Variants in MAGI2 observed in about 807,000 individuals in gnomAD.
MAGI2 encodes the protein membrane-associated guanylate kinase, WW and PDZ domain-containing protein 2.
A neutral mutation model predicts 133.3 loss-of-function variants in MAGI2; 35 were observed. That is an observed-to-expected ratio of 0.26 (90% CI 0.20 to 0.35). MAGI2 has a LOEUF of 0.35. Among genes scored for constraint, MAGI2 ranks in the 10% least tolerant of loss-of-function variants. MAGI2 has a pLI of 1.00. For synonymous variants in MAGI2, 729 were observed against 710.6 expected, an observed-to-expected ratio of 1.03 and a Z score of -0.41; for missense variants, 1,636 against 1,863.4, an observed-to-expected ratio of 0.88 and a Z score of 2.25.
chr7:78,295,339 C>A (rs1797119845), intron 9 of MAGI2, among the ~76,000 whole-genome samples: 1 of 152,142 alleles, frequency 6.6e-6, no homozygotes, highest in Non-Finnish European at 1.5e-5. Context: ...GTGAATAAAT[C>A]CATCTCTGTG....
intron 1 of MAGI2, among the ~76,000 whole-genome samples, chr7:79,200,345 G>C (rs1267966685): frequency 4.0e-5 from 6 of 151,704 alleles, no homozygotes; most frequent in Non-Finnish European, 8.8e-5. Flanking sequence ...CCTGATATCT[G>C]TAACCCCAGC....
intron 1 of MAGI2, among the ~76,000 whole-genome samples, chr7:79,207,526 C>A (rs1470523804): frequency 6.6e-6 from 1 of 151,178 alleles, no homozygotes; most frequent in Non-Finnish European, 1.5e-5. Context: ...GATCTCAAAT[C>A]AAAAACTATA....
chr7:78,346,175 G>A (rs907742456), intron 7 of MAGI2, 132 bp from the exon 8 acceptor site: 4 of 980,488 alleles, frequency 4.1e-6, no homozygotes, highest in East Asian at 2.4e-5. Context: ...CACCCAGCAC[G>A]CGGTCAGGCT....
chr7:79,024,227 A>G (rs890537886), intron 1 of MAGI2, among the ~76,000 whole-genome samples: 1 of 152,138 alleles, frequency 6.6e-6, no homozygotes. Context: ...AAAACAAGCA[A>G]TGGGGAAAGT....
chr7:78,597,379 G>A (rs1428341329), intron 3 of MAGI2, among the ~76,000 whole-genome samples: 5 of 150,490 alleles, frequency 3.3e-5, no homozygotes, highest in African/African-American at 1.2e-4. Flanking sequence ...TTCCTTGGGG[G>A]GGGGGGTCTT....
At chr7:79,241,500 C>CTTATTAT (rs1832410315) in intron 1 of MAGI2, among the ~76,000 whole-genome samples, 1 of 151,942 alleles carries the variant, frequency 6.6e-6, no homozygotes, top group African/African-American at 2.4e-5. Context: ...TGATAATAGT[C>CTTATTAT]TCTTCCTCCC....
chr7:78,119,688 G>T (rs754011427), intron 20 of MAGI2, among the ~76,000 whole-genome samples: 2 of 151,994 alleles, frequency 1.3e-5, no homozygotes, highest in Non-Finnish European at 1.5e-5. Context: ...CCAGTCTGGT[G>T]GGAAATGTTG....
intron 2 of MAGI2, among the ~76,000 whole-genome samples, chr7:78,899,506 T>G (rs17469166): frequency 0.063 from 9,531 of 152,224 alleles, 360 homozygotes; most frequent in Middle Eastern, 0.11. Context: ...GCTAAGTATG[T>G]ATAGCCTTCA....
chr7:78,671,103 C>G (rs73145154), intron 2 of MAGI2, among the ~76,000 whole-genome samples: 5,498 of 152,136 alleles, frequency 0.036, 130 homozygotes, highest in South Asian at 0.061. Context: ...ATTATCAAAC[C>G]TATGAACAAT....
chr7:78,311,346 AATTGTGTGGTCCATATC>A (rs1402327506), intron 9 of MAGI2, among the ~76,000 whole-genome samples: 1 of 152,184 alleles, frequency 6.6e-6, no homozygotes, highest in Non-Finnish European at 1.5e-5. Flanking sequence ...TTTCAAGGAG[AATTGTGTGGTCCATATC>A]ATTAAATACT....
chr7:79,172,113 AGGAAGGGAAGAG>A (rs1233890563), intron 1 of MAGI2, among the ~76,000 whole-genome samples: 1 of 151,994 alleles, frequency 6.6e-6, no homozygotes, highest in Non-Finnish European at 1.5e-5. Flanking sequence ...GTGTGTAAGA[AGGAAGGGAAGAG>A]GGCAGGAAAG....
At chr7:78,150,799 A>C (rs920813202) in intron 16 of MAGI2, among the ~76,000 whole-genome samples, 3 of 152,218 alleles carry the variant, frequency 2.0e-5, no homozygotes, top group African/African-American at 7.2e-5. Flanking sequence ...TATGAGGTCT[A>C]TTCAACAGTA....
At chr7:78,677,539 A>C (rs1815178547) in intron 2 of MAGI2, among the ~76,000 whole-genome samples, 1 of 151,646 alleles carries the variant, frequency 6.6e-6, no homozygotes, top group African/African-American at 2.4e-5. Context: ...TCCTATCATT[A>C]AAAAAAATAA....
At chr7:79,144,956 C>T (rs185096438) in intron 1 of MAGI2, among the ~76,000 whole-genome samples, 1 of 152,232 alleles carries the variant, frequency 6.6e-6, no homozygotes, top group African/African-American at 2.4e-5. Context: ...TGGCTCTGCA[C>T]TCACATTAAA....
rs142440653 is a variant in MAGI2 at position 79,365,617 on chromosome 7, G to C, written c.301+87403C>G. 2.9e-4 allele frequency among the ~76,000 whole-genome samples: 44 copies of C among 152,036 alleles called. 1 individual carries two copies. The South Asian group carries it at 7.9e-3, about 27-fold the overall frequency. On this transcript the variant is annotated intron_variant, in intron 1 of 21. Coordinates refer to ENST00000354212, the MANE Select transcript of MAGI2 (RefSeq NM_012301.4). The stretch of plus-strand genomic sequence containing the variant: ...TCAAGCCTGCAATCCTAGCACTTTG[G>C]GGGGCCGAGGCGGGCAGATCACTTG...
intron 2 of MAGI2, among the ~76,000 whole-genome samples, chr7:78,919,877 C>T (rs1799094816): frequency 6.6e-6 from 1 of 152,116 alleles, no homozygotes; most frequent in Non-Finnish European, 1.5e-5. Flanking sequence ...CACTTCCATT[C>T]TTTCATGGGT....
In MAGI2 at chr7:79,387,672, T is replaced by C. The variant is rs1844290467; in HGVS notation, c.301+65348A>G. On this transcript the variant is annotated intron_variant, in intron 1 of 21. Coordinates refer to ENST00000354212, the MANE Select transcript of MAGI2 (RefSeq NM_012301.4). ...CTGTTGGCTTTCAATAATTTAATTA[T>C]CAACTTGGACTTTTCCCTTTAGTAC... Among the ~76,000 whole-genome samples the C allele has an allele frequency of 1.3e-5, 2 of 152,086 alleles. 1 individual carries two copies. The highest frequency in any genetic ancestry group is 4.1e-4 in the South Asian group (2 of 4,836).
intron 6 of MAGI2, among the ~76,000 whole-genome samples, chr7:78,392,084 A>G (rs1795943002): frequency 6.6e-6 from 1 of 152,178 alleles, no homozygotes; most frequent in South Asian, 2.1e-4. Context: ...GACAGAAGGG[A>G]TACAAGAGAA....
chr7:78,574,751 A>C (rs1802088309), intron 3 of MAGI2, among the ~76,000 whole-genome samples: 1 of 152,224 alleles, frequency 6.6e-6, no homozygotes, highest in African/African-American at 2.4e-5. Context: ...GATAAATGTC[A>C]TTTACAATGT....
Sources: gnomAD v4.1 joint callset for allele counts (sites outside exome capture counted in the v4.1 genomes callset) on GRCh38, gnomAD v4.1.1 for gene constraint, MANE v1.5 for transcripts, NCBI Gene and HGNC (gene_info 2026-07-23, HGNC 2026-07-21) for gene names.